Variants in ZNF717 observed in about 807,000 individuals in gnomAD.
ZNF717 encodes the protein krueppel-like factor X17.
ZNF717 carries 9 observed loss-of-function variants against 13.8 expected under a neutral mutation model. The observed-to-expected ratio is 0.65, with a 90% CI of 0.39 to 1.14. The LOEUF (loss-of-function observed/expected upper bound fraction) is 1.14, where lower values mean the gene tolerates loss of function less well. Ranked by LOEUF, ZNF717 falls within the 50% of genes most tolerant of loss-of-function variation. The probability of loss-of-function intolerance (pLI) is 0.01; values close to 1 mark genes in which losing one functional copy is unlikely to be tolerated. For synonymous variants in ZNF717, 327 were observed against 364.1 expected (o/e 0.90, Z 1.16); for missense variants, 1,040 against 1,080.7 (o/e 0.96, Z 0.53).
chr3:75,779,756 C>A (rs1294106047), intron 2 of ZNF717, among the ~76,000 whole-genome samples: 2 of 134,788 alleles, frequency 1.5e-5, no homozygotes, highest in Admixed American at 7.8e-5. Flanking sequence ...TCGTGCTAAA[C>A]CAGAAACCCA....
chr3:75,764,858 T>G (rs1205742454), intron 2 of ZNF717, among the ~76,000 whole-genome samples: 1 of 152,076 alleles, frequency 6.6e-6, no homozygotes, highest in African/African-American at 2.4e-5. Flanking sequence ...ATCCAACTTC[T>G]ACAGAGAGAC....
intron 5 of ZNF717, among the ~76,000 whole-genome samples, chr3:75,712,155 A>G (rs1695045340): frequency 4.4e-5 from 2 of 45,168 alleles, no homozygotes; most frequent in Non-Finnish European, 1.5e-4. Flanking sequence ...GCCAAGCACA[A>G]TGTTATGCCT....
chr3:75,758,374 G>A (rs931214768), intron 2 of ZNF717, among the ~76,000 whole-genome samples: 9 of 152,144 alleles, frequency 5.9e-5, no homozygotes, highest in African/African-American at 1.9e-4. Flanking sequence ...TACTCGTGGT[G>A]AAGACAGTGT....
chr3:75,756,887 A>G (rs1173790339), intron 2 of ZNF717, among the ~76,000 whole-genome samples: 1 of 152,138 alleles, frequency 6.6e-6, no homozygotes, highest in Non-Finnish European at 1.5e-5. Flanking sequence ...CGTTGGTCAC[A>G]CTGGTGTCGA....
At chr3:75,721,612 A>T (rs1201081224) in intron 4 of ZNF717, among the ~76,000 whole-genome samples, 3 of 152,208 alleles carry the variant, frequency 2.0e-5, no homozygotes, top group Non-Finnish European at 4.4e-5. Flanking sequence ...TTAAAGAACA[A>T]TCCCTAAGCA....
chr3:75,727,058 A>C (rs1373837975), downstream of ZNF717, among the ~76,000 whole-genome samples: 1 of 152,390 alleles, frequency 6.6e-6, no homozygotes, highest in African/African-American at 2.4e-5. Context: ...GTGGCAGAAG[A>C]ACATAAATTG....
rs557287868 is a variant in ZNF717 at position 75,759,579 on chromosome 3, A to AT, written c.58-17844dup. ...GAGCCACCGCGCCCAGGCAATTTTT[A>AT]TTTTTTTGAGACAGAGTCTCACTCT... On this transcript the variant is annotated intron_variant, in intron 2 of 4. Transcript: ENST00000652011. 1.3e-3 allele frequency among the ~76,000 whole-genome samples: 197 copies of AT among 150,988 alleles called. 7 individuals are homozygous for AT. In the East Asian group the frequency reaches 0.036, roughly 28 times the overall value.
chr3:75,744,578 C>T (rs983477246), intron 2 of ZNF717, among the ~76,000 whole-genome samples: 3 of 152,268 alleles, frequency 2.0e-5, no homozygotes, highest in Admixed American at 1.3e-4. Context: ...AAACTCAAAC[C>T]GTAACTGGTG....
At chr3:75,782,779 C>T (rs1944907790) in intron 2 of ZNF717, among the ~76,000 whole-genome samples, 1 of 152,114 alleles carries the variant, frequency 6.6e-6, no homozygotes, top group Non-Finnish European at 1.5e-5. Flanking sequence ...GTTTCCACTG[C>T]ACAACACACC....
At chr3:75,761,811 G>T (rs28863851) in intron 2 of ZNF717, among the ~76,000 whole-genome samples, 23,446 of 151,872 alleles carry the variant, frequency 0.15, 1,100 homozygotes, top group Non-Finnish European at 0.16. Flanking sequence ...GCCAAGGCGG[G>T]TGGACCAACT....
At chr3:75,760,493 A>G (rs184221072) in intron 2 of ZNF717, among the ~76,000 whole-genome samples, 3 of 152,404 alleles carry the variant, frequency 2.0e-5, no homozygotes, top group Non-Finnish European at 4.4e-5. Flanking sequence ...GTTTAGGCAA[A>G]TGAAAACAAA....
Position 75,738,179 on chromosome 3 carries a change from T to C in ZNF717, c.1444A>G (p.Asn482Asp). The change falls in exon 5 of 5, where the codon AAT becomes GAT. Residue 482 changes from asparagine to aspartate, a missense_variant. Physicochemically the swap from Asn to Asp is conservative, Grantham distance 23. This residue lies in a region of ZNF717 where 873 missense variants were observed against 832.8 expected (regional missense o/e 1.05). Transcript: ENST00000652011. Reference sequence around the variant, plus strand: ...CGGTGAAACGTTTTCCCACATTCATTGCATTCATAGGGTTTTTCCCCTGTG... The same window carrying C: ...CGGTGAAACGTTTTCCCACATTCATCGCATTCATAGGGTTTTTCCCCTGTG... ...THTGEKPYEC[N>D]ECGKTFHRKS... 2.2e-6 allele frequency: 3 copies of C among 1,391,950 alleles called. No homozygotes were observed. The highest frequency in any genetic ancestry group is 5.9e-5 in the East Asian group (2 of 33,624). 86.2% of individuals were successfully genotyped at this position (1,391,950 alleles called of 1,614,324 possible).
At chr3:75,709,383 A>AGCCTTC (rs1937884766), downstream of ZNF717, among the ~76,000 whole-genome samples, 1 of 152,136 alleles carries the variant, frequency 6.6e-6, no homozygotes, top group South Asian at 2.1e-4. Flanking sequence ...ACCATTCATG[A>AGCCTTC]AGGACCTGCA....
chr3:75,708,301 C>T (rs200644533), downstream of ZNF717, among the ~76,000 whole-genome samples: 15 of 152,412 alleles, frequency 9.8e-5, no homozygotes, highest in East Asian at 2.5e-3. Flanking sequence ...CCAAGATCCG[C>T]TGTTCTACAG....
At chr3:75,715,441 T>C (rs1158770729) in intron 5 of ZNF717, among the ~76,000 whole-genome samples, 5 of 152,194 alleles carry the variant, frequency 3.3e-5, no homozygotes, top group Non-Finnish European at 7.4e-5. Context: ...CCTTAGATTA[T>C]TGCTGTAAGG....
chr3:75,697,487 G>C (rs1348924724), intron 6 of ZNF717, among the ~76,000 whole-genome samples: 3 of 152,306 alleles, frequency 2.0e-5, no homozygotes, highest in Admixed American at 6.5e-5. Flanking sequence ...TTAAAAGTGT[G>C]TAACAACTTG....
intron 4 of ZNF717, among the ~76,000 whole-genome samples, chr3:75,722,696 C>A (rs1251173574): frequency 1.3e-5 from 2 of 148,204 alleles, no homozygotes; most frequent in Non-Finnish European, 3.0e-5. Flanking sequence ...TGCCTGTAAT[C>A]CCAGCTATTT....
chr3:75,708,872 C>T (rs1575714793), downstream of ZNF717, among the ~76,000 whole-genome samples: 1 of 152,168 alleles, frequency 6.6e-6, no homozygotes, highest in Admixed American at 6.5e-5. Flanking sequence ...CTGGCATCTG[C>T]TTCTGGTGAG....
At position 75,764,990 on chromosome 3, in the gene ZNF717, G is replaced by GATATATATAT. The variant is rs71101852; in HGVS notation, c.57+18306_57+18315dup. On this transcript the variant is annotated intron_variant, in intron 2 of 4. Coordinates refer to ENST00000652011, the MANE Select transcript of ZNF717 (RefSeq NM_001290208.3). ...CCAGGAATGGACGGATAAACAAAAG[G>GATATATATAT]ATATATATATATATATATATATATA... is the stretch of plus-strand genomic sequence containing the variant. 2.2e-3 allele frequency among the ~76,000 whole-genome samples: 229 copies of GATATATATAT among 102,178 alleles called. 1 individual carries two copies. The highest frequency in any genetic ancestry group is 3.8e-3 in the African/African-American group (85 of 22,434). The allele number at this position is 102,178 out of a possible 152,430, so 67.0% of individuals were successfully genotyped here.
Sources: gnomAD v4.1 joint callset for allele counts (sites outside exome capture counted in the v4.1 genomes callset) on GRCh38, gnomAD v4.1.1 for gene constraint, gnomAD v4.1.1 regional missense constraint, MANE v1.5 for transcripts, NCBI Gene and HGNC (gene_info 2026-07-23, HGNC 2026-07-21) for gene names.